OFD1: variants seen among roughly 807,000 people sequenced by gnomAD.
OFD1 encodes the protein centriole and centriolar satellite protein OFD1.
OFD1 carries 12 observed loss-of-function variants against 81.4 expected under a neutral mutation model. The ratio of observed to expected loss-of-function variants is 0.15; its 90% confidence interval spans 0.09 to 0.24. The LOEUF is 0.24. Ranked by LOEUF, OFD1 falls within the 10% of genes least tolerant of loss-of-function variation. OFD1 has a pLI of 1.00. For synonymous variants in OFD1, 256 were observed against 263.7 expected (o/e 0.97, Z 0.28); for missense variants, 685 against 733.9 (o/e 0.93, Z 0.77).
At chrX:13,767,852 C>T (rs759066770) in intron 20 of OFD1, 143 of 400,391 alleles carry the variant, frequency 3.6e-4, no homozygotes, top group African/African-American at 3.3e-3. Flanking sequence ...AAGCACAGGA[C>T]ACTTGCCAAT....
In OFD1 at chrX:13,737,252, G is replaced by GGT. The variant is rs777569394; in HGVS notation, c.312+574_312+575insGT. On this transcript the variant is annotated intron_variant, in intron 3 of 22. Transcript: ENST00000340096. ...AAGTTCTCAAATATTAAAAACACTT[G>GGT]TTTTTTTTTTTTACTACTTTTCTAA... Among the ~76,000 whole-genome samples, 431 of 98,797 alleles carry GGT rather than the reference G, an allele frequency of 4.4e-3. 3 individuals are homozygous for GGT. The highest frequency in any genetic ancestry group is 0.015 in the African/African-American group (403 of 27,615). 85.8% of individuals were successfully genotyped at this position (98,797 alleles called of 115,157 possible).
intron 19 of OFD1, among the ~76,000 whole-genome samples, chrX:13,764,069 C>A (rs923187332): frequency 4.5e-5 from 5 of 111,468 alleles, no homozygotes; most frequent in African/African-American, 1.6e-4. Context: ...AGAAAGGACA[C>A]GTTGGAAGGA....
chrX:13,735,390 C>A (rs987095890), intron 2 of OFD1, 44 bp downstream of exon 2: 1 of 977,807 alleles, frequency 1.0e-6, no homozygotes, highest in East Asian at 3.0e-5. Flanking sequence ...ACAAGTGTAA[C>A]CTGTAACAGG....
chrX:13,744,875 A>C (rs1475874125), intron 6 of OFD1, among the ~76,000 whole-genome samples: 4 of 112,626 alleles, frequency 3.6e-5, no homozygotes, highest in African/African-American at 1.3e-4. Flanking sequence ...TTTGCAAAGT[A>C]CTAGAGAAGT....
At chrX:13,742,069 A>G (rs2047127292) in intron 5 of OFD1, among the ~76,000 whole-genome samples, 1 of 112,429 alleles carries the variant, frequency 8.9e-6, no homozygotes, top group Non-Finnish European at 1.9e-5. Flanking sequence ...AAATTTGGAC[A>G]TCGGCCCTTT....
At chrX:13,719,785 T>C in the OFD1 span, 250 of 722,223 alleles carry the variant, frequency 3.5e-4, no homozygotes, top group Non-Finnish European at 4.8e-4. Context: ...TTGTGGTGGA[T>C]TTCAGTTACC....
At chrX:13,746,980 G>A in intron 8 of OFD1, 27 bp downstream of exon 8, 1 of 1,180,068 alleles carries the variant, frequency 8.5e-7, no homozygotes, top group Non-Finnish European at 1.2e-6. Context: ...TTTTATGGGT[G>A]GCTATTTCCT....
chrX:13,744,463 A>G lies in OFD1; in HGVS notation c.461A>G (p.Lys154Arg), dbSNP rs761236170. Residue 154 changes from lysine to arginine, a missense_variant, in exon 6 of 23, where the codon AAA becomes AGA. By Grantham distance (26) the Lys-to-Arg change is conservative. Transcript: ENST00000340096. The part of the protein sequence containing the change: ...LKELAEYHQA[K>R]ESCNMETQTS... ...GAATTGGCAGAATATCATCAAGCTA[A>G]AGAGAGTTGTAATATGGAAACTCAG... 2 of 1,194,124 alleles carry G rather than the reference A, an allele frequency of 1.7e-6. No homozygotes were observed. Among genetic ancestry groups the G allele is most frequent in the Non-Finnish European group, 1.1e-6 (1 of 880,311 alleles).
chrX:13,758,491 GCTT>G, intron 15 of OFD1, 43 bp downstream of exon 15: 1 of 712,649 alleles, frequency 1.4e-6, no homozygotes, highest in Non-Finnish European at 2.2e-6. Flanking sequence ...TATGTATAAA[GCTT>G]CTGGTGTCTG....
chrX:13,722,207 GCAAAAA>G, the OFD1 span: 2 of 8,941 alleles, frequency 2.2e-4, no homozygotes, highest in African/African-American at 5.8e-4. Context: ...TTAAGCAGCA[GCAAAAA>G]AAAAAAAAAA....
At position 13,746,830 on chromosome X, in the gene OFD1, A is replaced by G. The variant is rs773888732; in HGVS notation, c.705A>G (p.Lys235=). The G allele has an allele frequency of 8.3e-7, 1 of 1,204,983 alleles. No individual in the cohort carries two copies. The highest frequency in any genetic ancestry group is 2.3e-4 in the Middle Eastern group (1 of 4,319). ...TEIAKIKMEA[K]KKYEKELTMF... ...TAGCAAAAATTAAAATGGAAGCAAA[A>G]AAAAAGTATGAAAAGGAGTTAACCA... The change falls in exon 8 of 23, where the codon AAA becomes AAG. Residue 235 remains lysine, a synonymous_variant. Transcript: ENST00000340096.
intron 6 of OFD1, 86 bp from the exon 7 acceptor site, chrX:13,746,233 C>T (rs913596857): frequency 7.0e-6 from 6 of 857,915 alleles, no homozygotes; most frequent in Non-Finnish European, 1.0e-5. Context: ...CCCTAAGTAT[C>T]CTCTTTACTT....
chrX:13,716,194 G>A, the OFD1 span: 1 of 885,835 alleles, frequency 1.1e-6, no homozygotes, highest in Non-Finnish European at 1.5e-6. Flanking sequence ...TATTTGTGAT[G>A]GAAAAGTTGA....
chrX:13,714,662 C>T, the OFD1 span, among the ~76,000 whole-genome samples: 152 of 112,667 alleles, frequency 1.3e-3, no homozygotes, highest in South Asian at 5.4e-3. Context: ...TTGTTAATAA[C>T]ATCCTCTTAA....
intron 2 of OFD1, 46 bp downstream of exon 2, chrX:13,735,392 T>C (rs772705964): frequency 1.0e-6 from 1 of 961,065 alleles, no homozygotes; most frequent in South Asian, 1.9e-5. Context: ...AAGTGTAACC[T>C]GTAACAGGTA....
chrX:13,741,210 C>T (rs2047087619), intron 5 of OFD1, among the ~76,000 whole-genome samples: 1 of 112,072 alleles, frequency 8.9e-6, no homozygotes, highest in African/African-American at 3.2e-5. Context: ...GGCCGACAGC[C>T]CTTACCAGCT....
downstream of OFD1, among the ~76,000 whole-genome samples, chrX:13,769,929 A>C (rs1201417742): frequency 3.6e-5 from 4 of 112,302 alleles, no homozygotes; most frequent in Non-Finnish European, 7.5e-5. Context: ...TAAGTTACCC[A>C]GTCTAAGGTA....
chrX:13,746,965 A>G lies in OFD1; in HGVS notation c.828+12A>G, dbSNP rs2047320117. On this transcript the variant is annotated intron_variant, in intron 8 of 22. Coordinates refer to ENST00000340096, the MANE Select transcript of OFD1 (RefSeq NM_003611.3). ...ACAAGCACCAAGAGGTGGTATTTAC[A>G]AATATTTTATGGGTGGCTATTTCCT... The G allele has an allele frequency of 2.5e-6, 3 of 1,201,645 alleles. No individual in the cohort carries two copies. Among genetic ancestry groups the G allele is most frequent in the Non-Finnish European group, 3.4e-6 (3 of 887,720 alleles).
chrX:13,738,269 G>A (rs1167813547), intron 3 of OFD1, among the ~76,000 whole-genome samples: 3 of 112,197 alleles, frequency 2.7e-5, no homozygotes, highest in Non-Finnish European at 3.8e-5. Context: ...ACAACTTAAC[G>A]GTTTCTACTA....
Sources: allele counts gnomAD v4.1 joint callset (sites outside exome capture counted in the v4.1 genomes callset), GRCh38; gene constraint gnomAD v4.1.1; transcripts MANE v1.5; gene names NCBI Gene and HGNC (gene_info 2026-07-23, HGNC 2026-07-21).